BABAM2: variants seen among roughly 807,000 people sequenced by gnomAD.
BABAM2 encodes the protein BRISC and BRCA1 A complex member 2, also known as BRISC and BRCA1-A complex member 2.
BABAM2 carries 31 observed loss-of-function variants against 54.7 expected under a neutral mutation model. That is an observed-to-expected ratio of 0.57 (90% CI 0.43 to 0.77). BABAM2 has a LOEUF of 0.77. Ranked by LOEUF, BABAM2 falls within the 30% of genes least tolerant of loss-of-function variation. BABAM2 has a pLI of 0.00. For synonymous variants in BABAM2, 167 were observed against 162.9 expected, an observed-to-expected ratio of 1.03 and a Z score of -0.19; for missense variants, 364 against 455.8, an observed-to-expected ratio of 0.80 and a Z score of 1.83.
intron 6 of BABAM2, among the ~76,000 whole-genome samples, chr2:28,059,421 A>C (rs949256099): frequency 2.0e-5 from 3 of 152,178 alleles, no homozygotes; most frequent in African/African-American, 7.2e-5. Flanking sequence ...TCCTTGTTCC[A>C]GGATTGCTCA....
chr2:28,129,316 A>G lies in BABAM2; in HGVS notation c.616A>G (p.Ser206Gly). 1 of 1,614,152 alleles carries G rather than the reference A, an allele frequency of 6.2e-7. No individual in the cohort carries two copies. Among genetic ancestry groups the G allele is most frequent in the Non-Finnish European group, 8.5e-7 (1 of 1,179,988 alleles). Residue 206 changes from serine (S) to glycine (G), a missense_variant, in exon 7 of 12, where the codon AGT (serine) becomes GGT (glycine). Transcript: ENST00000379624. ...AGAAGATGTGGCCCTCCTCTCTGTT[A>G]GTTTTGAGGACACTGAAGCCACCCA... ...PGEDVALLSV[S>G]FEDTEATQVY...
At chr2:28,246,149 T>C (rs1682896734) in intron 10 of BABAM2, among the ~76,000 whole-genome samples, 1 of 152,148 alleles carries the variant, frequency 6.6e-6, no homozygotes, top group African/African-American at 2.4e-5. Context: ...TAACCTACAG[T>C]GTGGGGCCAG....
chr2:27,990,962 T>C (rs897568651), intron 4 of BABAM2, among the ~76,000 whole-genome samples: 1 of 152,078 alleles, frequency 6.6e-6, no homozygotes, highest in Non-Finnish European at 1.5e-5. Flanking sequence ...CTTTCTAAAC[T>C]CAGACTCTTC....
intron 4 of BABAM2, among the ~76,000 whole-genome samples, chr2:28,015,399 A>G (rs545039259): frequency 3.9e-5 from 6 of 152,282 alleles, no homozygotes; most frequent in African/African-American, 1.4e-4. Context: ...GTCATTTCTG[A>G]TCACATCTTA....
chr2:28,085,854 A>G (rs1665591265), intron 6 of BABAM2, among the ~76,000 whole-genome samples: 3 of 152,262 alleles, frequency 2.0e-5, no homozygotes, highest in Admixed American at 6.5e-5. Context: ...AGAGAAGATT[A>G]TGTCTTTATT....
chr2:28,330,050 TTCA>T (rs1305278119), intron 11 of BABAM2, among the ~76,000 whole-genome samples: 1 of 152,186 alleles, frequency 6.6e-6, no homozygotes, highest in African/African-American at 2.4e-5. Flanking sequence ...GTAAATGTAA[TTCA>T]TCACATAAAC....
chr2:28,167,063 G>T (rs913855149), intron 7 of BABAM2, among the ~76,000 whole-genome samples: 1 of 152,204 alleles, frequency 6.6e-6, no homozygotes, highest in Admixed American at 6.5e-5. Flanking sequence ...AGAGAAAAAG[G>T]TTCTTGATTG....
intron 1 of BABAM2, among the ~76,000 whole-genome samples, chr2:27,893,933 G>T (rs932825433): frequency 4.0e-5 from 6 of 149,416 alleles, no homozygotes; most frequent in Non-Finnish European, 7.4e-5. Context: ...GGTGGAGTTT[G>T]CAGTGAGCCG....
Position 28,329,417 on chromosome 2 carries a change from T to G in BABAM2, c.1089-9033T>G, listed in dbSNP as rs1690756658. Among the ~76,000 whole-genome samples the G allele has an allele frequency of 6.6e-6, 1 of 152,224 alleles. No individual in the cohort carries two copies. The highest frequency in any genetic ancestry group is 1.5e-5 in the Non-Finnish European group (1 of 68,044). ...CTTGCATTTGTGTGGGGCCCTGGGCTTGGTACTTGATACACATTTCCATTC... is the reference window on the plus strand; with the variant it reads ...CTTGCATTTGTGTGGGGCCCTGGGCGTGGTACTTGATACACATTTCCATTC... On this transcript the variant is annotated intron_variant, in intron 11 of 11. Coordinates refer to ENST00000379624, the MANE Select transcript of BABAM2 (RefSeq NM_199191.3). This position sits in a 1 kb window ranked among gnomAD's most constrained non-coding sequence, Gnocchi z 4.2.
intron 6 of BABAM2, among the ~76,000 whole-genome samples, chr2:28,117,888 T>G (rs1668742104): frequency 6.6e-6 from 1 of 152,178 alleles, no homozygotes; most frequent in African/African-American, 2.4e-5. Flanking sequence ...ACTTTAAATC[T>G]TCCTATCCAT....
chr2:28,077,705 C>T (rs952536941), intron 6 of BABAM2, among the ~76,000 whole-genome samples: 1 of 152,116 alleles, frequency 6.6e-6, no homozygotes, highest in Non-Finnish European at 1.5e-5. Context: ...ACCTCCCTCT[C>T]ACTCCCTCAA....
chr2:28,252,380 T>G (rs928571469), intron 10 of BABAM2, among the ~76,000 whole-genome samples: 2 of 152,194 alleles, frequency 1.3e-5, no homozygotes, highest in African/African-American at 4.8e-5. Context: ...CTTTTACATT[T>G]TGGTTAATTT....
Position 28,177,525 on chromosome 2 carries a change from C to T in BABAM2, c.680+48145C>T, listed in dbSNP as rs551026032. 4.6e-5 allele frequency among the ~76,000 whole-genome samples: 7 copies of T among 151,100 alleles called. No homozygotes were observed. The South Asian group carries it at 1.5e-3, about 31-fold the overall frequency. The stretch of plus-strand genomic sequence containing the variant: ...GGAAGGGAAAGGACTCAAGTGTTAC[C>T]ACTACAGAAAATTACCAAACTGCAA... On this transcript the variant is annotated intron_variant, in intron 7 of 11. Transcript: ENST00000379624.
intron 6 of BABAM2, among the ~76,000 whole-genome samples, chr2:28,046,486 ACAAAC>A (rs1158114396): frequency 6.6e-6 from 1 of 152,102 alleles, no homozygotes; most frequent in African/African-American, 2.4e-5. Context: ...CAGATAAAAA[ACAAAC>A]AAACAAAAAG....
intron 6 of BABAM2, among the ~76,000 whole-genome samples, chr2:28,111,272 C>T (rs1295594459): frequency 6.6e-6 from 1 of 151,966 alleles, no homozygotes; most frequent in African/African-American, 2.4e-5. Flanking sequence ...TGAGCCATCA[C>T]ACCCAGCCGG....
chr2:28,230,515 G>C (rs1317999708), intron 7 of BABAM2, among the ~76,000 whole-genome samples: 1 of 149,478 alleles, frequency 6.7e-6, no homozygotes, highest in Non-Finnish European at 1.5e-5. Flanking sequence ...AGGAGTTCGA[G>C]ACCAGCCTGG....
At chr2:28,331,250 A>C (rs1043177433) in intron 11 of BABAM2, among the ~76,000 whole-genome samples, 3 of 152,310 alleles carry the variant, frequency 2.0e-5, no homozygotes, top group Admixed American at 2.0e-4. Context: ...CCACTCAGGA[A>C]ATAGGCACAG....
chr2:28,082,491 T>A (rs1431448408), intron 6 of BABAM2, among the ~76,000 whole-genome samples: 1 of 152,226 alleles, frequency 6.6e-6, no homozygotes, highest in East Asian at 1.9e-4. Context: ...TTATTTAACT[T>A]ATTTATGCCT....
rs146169262 is a variant in BABAM2 at position 27,906,021 on chromosome 2, A to G, written c.128+11337A>G. 1.1e-4 allele frequency among the ~76,000 whole-genome samples: 17 copies of G among 152,354 alleles called. No homozygotes were observed. In the East Asian group the frequency reaches 2.9e-3, roughly 26 times the overall value. On this transcript the variant is annotated intron_variant, in intron 2 of 11. Transcript: ENST00000379624. The stretch of plus-strand genomic sequence containing the variant: ...AACACTGATTGTCTTGAGCGGATAC[A>G]TGCAACAGTTGTTAACAGAGGGGTG...
Sources: allele counts gnomAD v4.1 joint callset (sites outside exome capture counted in the v4.1 genomes callset), GRCh38; gene constraint gnomAD v4.1.1; non-coding constraint Gnocchi (gnomAD v3.1); transcripts MANE v1.5; gene names NCBI Gene and HGNC (gene_info 2026-07-23, HGNC 2026-07-21).